Variants in FTO observed in about 807,000 individuals in gnomAD.
The protein encoded by FTO is alpha-ketoglutarate-dependent dioxygenase FTO.
Under a neutral mutation model 63.9 loss-of-function variants are expected in FTO, and 47 were observed. The ratio of observed to expected loss-of-function variants is 0.74; its 90% CI spans 0.58 to 0.94. The LOEUF (loss-of-function observed/expected upper bound fraction) is 0.94. Ranked by LOEUF, FTO falls within the 40% of genes least tolerant of loss-of-function variation. FTO has a pLI of 0.00. For missense variants in FTO, 562 were observed against 618.1 expected (o/e 0.91, Z 0.96); for synonymous variants, 207 against 224.4 (o/e 0.92, Z 0.69).
chr16:53,960,618 G>T (rs1376396158), intron 8 of FTO, among the ~76,000 whole-genome samples: 1 of 151,764 alleles, frequency 6.6e-6, no homozygotes, highest in Non-Finnish European at 1.5e-5. Context: ...TTCTGTCAGT[G>T]TAATATGACA....
At chr16:54,087,093 GC>G (rs756303042) in intron 8 of FTO, among the ~76,000 whole-genome samples, 9 of 152,210 alleles carry the variant, frequency 5.9e-5, no homozygotes, top group Non-Finnish European at 1.0e-4. Context: ...CCATGACCAG[GC>G]CCTGTTTGAG....
chr16:53,879,714 G>T, intron 5 of FTO, 130 bp from the exon 6 acceptor site: 1 of 744,740 alleles, frequency 1.3e-6, no homozygotes, highest in Non-Finnish European at 2.1e-6. Flanking sequence ...AAAAAAAAAA[G>T]GAGTATAGAC....
intron 8 of FTO, among the ~76,000 whole-genome samples, chr16:54,011,828 C>G (rs996448282): frequency 1.3e-5 from 2 of 152,152 alleles, no homozygotes; most frequent in Non-Finnish European, 2.9e-5. Flanking sequence ...CACAATGACC[C>G]TCATCCATAT....
At chr16:53,895,132 T>G (rs2081246505) in intron 7 of FTO, among the ~76,000 whole-genome samples, 1 of 152,116 alleles carries the variant, frequency 6.6e-6, no homozygotes. Flanking sequence ...TCCCCACAGC[T>G]ATATTGTTCT....
intron 7 of FTO, among the ~76,000 whole-genome samples, chr16:53,926,270 A>C (rs1283439102): frequency 6.6e-6 from 1 of 152,200 alleles, no homozygotes; most frequent in Non-Finnish European, 1.5e-5. Flanking sequence ...CCCCGTTCTT[A>C]GACTCATCTT....
At position 54,115,555 on chromosome 16, in the gene FTO, T is replaced by A. The variant is rs1318886601; in HGVS notation, c.*3640T>A. On this transcript the variant is annotated 3_prime_UTR_variant, in exon 9 of 9. Coordinates refer to ENST00000471389, the MANE Select transcript of FTO (RefSeq NM_001080432.3). Reference sequence around the variant, plus strand: ...TTGATCAGGCTGTGGGGAAGGGAGGTGGTTGGGAAGAGCTTCCCAGGAAAG... The same window carrying A: ...TTGATCAGGCTGTGGGGAAGGGAGGAGGTTGGGAAGAGCTTCCCAGGAAAG... 6.8e-6 allele frequency: 1 copy of A among 147,992 alleles called. No homozygotes were observed. Among genetic ancestry groups the A allele is most frequent in the South Asian group, 2.2e-4 (1 of 4,574 alleles). 9.2% of individuals were successfully genotyped at this position (147,992 alleles called of 1,614,324 possible). A position where few individuals can be genotyped will look rare whatever the true frequency, so the allele number is the denominator to read the frequency against.
intron 7 of FTO, among the ~76,000 whole-genome samples, chr16:53,900,578 C>T (rs888820124): frequency 7.2e-6 from 1 of 139,714 alleles, no homozygotes; most frequent in African/African-American, 2.6e-5. Flanking sequence ...GCTCTTTCTT[C>T]ATCCCAGTCA....
At chr16:53,760,778 C>T (rs537201326) in intron 1 of FTO, among the ~76,000 whole-genome samples, 182 of 151,836 alleles carry the variant, frequency 1.2e-3, no homozygotes, top group Non-Finnish European at 2.2e-3. Context: ...AGGTATGCAC[C>T]GCTATGCCCA....
chr16:53,788,565 T>C (rs545135561), intron 1 of FTO, among the ~76,000 whole-genome samples: 1 of 141,988 alleles, frequency 7.0e-6, no homozygotes, highest in East Asian at 2.1e-4. Context: ...ATCAGGCCAC[T>C]GCACTCCAGC....
chr16:53,838,161 G>A (rs757351704), intron 3 of FTO, among the ~76,000 whole-genome samples: 3 of 152,218 alleles, frequency 2.0e-5, no homozygotes, highest in Non-Finnish European at 4.4e-5. Context: ...CTGGACAGAT[G>A]AGGCATCATT....
chr16:53,752,243 A>G (rs1275144719), intron 1 of FTO, among the ~76,000 whole-genome samples: 1 of 152,254 alleles, frequency 6.6e-6, no homozygotes, highest in African/African-American at 2.4e-5. Context: ...TATAGACAGA[A>G]TATGTTGTAA....
At chr16:53,959,720 G>A (rs940929377) in intron 8 of FTO, among the ~76,000 whole-genome samples, 3 of 151,998 alleles carry the variant, frequency 2.0e-5, no homozygotes, top group Non-Finnish European at 2.9e-5. Context: ...GACAGGCCAA[G>A]GATTCAAACT....
intron 2 of FTO, among the ~76,000 whole-genome samples, chr16:53,823,555 C>T (rs747805585): frequency 3.4e-5 from 5 of 146,728 alleles, no homozygotes; most frequent in Admixed American, 7.0e-5. Context: ...GGCTGCAGCT[C>T]TACAGTGAAC....
At chr16:53,911,017 C>T (rs552122999) in intron 7 of FTO, among the ~76,000 whole-genome samples, 1 of 152,200 alleles carries the variant, frequency 6.6e-6, no homozygotes, top group African/African-American at 2.4e-5. Flanking sequence ...TTTGAGCAGC[C>T]GGTATACCGA....
intron 1 of FTO, among the ~76,000 whole-genome samples, chr16:53,803,726 A>G (rs148918278): frequency 6.6e-6 from 1 of 152,278 alleles, no homozygotes; most frequent in Admixed American, 6.5e-5. Flanking sequence ...CAGTCACTTC[A>G]TAGCTCTGGA....
intron 1 of FTO, 65 bp from the exon 2 acceptor site, chr16:53,810,075 A>ATACTC: frequency 1.8e-6 from 2 of 1,086,778 alleles, no homozygotes; most frequent in Non-Finnish European, 2.8e-6. Flanking sequence ...TATTGGAAAA[A>ATACTC]TAAGAGAGTG....
intron 1 of FTO, among the ~76,000 whole-genome samples, chr16:53,755,786 C>G (rs2076910065): frequency 6.6e-6 from 1 of 152,128 alleles, no homozygotes. Context: ...ATGCCCTTTG[C>G]CCTTTGCTTC....
chr16:53,938,215 C>G (rs2082437437), intron 8 of FTO, among the ~76,000 whole-genome samples: 1 of 152,210 alleles, frequency 6.6e-6, no homozygotes, highest in South Asian at 2.1e-4. Context: ...CCTACTACAA[C>G]CTGGCAGTTT....
At chr16:54,072,538 A>G (rs1405932277) in intron 8 of FTO, 2 of 152,182 alleles carry the variant, frequency 1.3e-5, no homozygotes, top group Non-Finnish European at 2.9e-5. Flanking sequence ...CACTTAGCTA[A>G]CAGTATGTAC....
Sources: allele counts gnomAD v4.1 joint callset (sites outside exome capture counted in the v4.1 genomes callset), GRCh38; gene constraint gnomAD v4.1.1; transcripts MANE v1.5; gene names NCBI Gene and HGNC (gene_info 2026-07-23, HGNC 2026-07-21).